The following CNTN3 variants were observed in gnomAD, a reference collection of about 807,000 sequenced individuals.
CNTN3 encodes the protein contactin 3.
Under a neutral mutation model 119.1 loss-of-function variants are expected in CNTN3, and 60 were observed. That is an observed-to-expected ratio of 0.50 (90% CI 0.41 to 0.62). CNTN3 has a LOEUF of 0.62. Ranked by LOEUF, CNTN3 falls within the 20% of genes least tolerant of loss-of-function variation. The probability of loss-of-function intolerance (pLI) is 0.00; values close to 1 mark genes in which losing one functional copy is unlikely to be tolerated. For synonymous variants in CNTN3, 450 were observed against 438.7 expected, an observed-to-expected ratio of 1.03 and a Z score of -0.32; for missense variants, 1,101 against 1,242.4, an observed-to-expected ratio of 0.89 and a Z score of 1.71.
At chr3:74,510,948 T>C (rs1160555715) in intron 2 of CNTN3, among the ~76,000 whole-genome samples, 1 of 152,086 alleles carries the variant, frequency 6.6e-6, no homozygotes, top group Non-Finnish European at 1.5e-5. Context: ...GCTAGTTTGT[T>C]TTTTTCAAGT....
In CNTN3 at chr3:74,263,527, A is replaced by C. The variant is rs944567882; in HGVS notation, c.*874T>G. 1.3e-5 allele frequency: 2 copies of C among 151,872 alleles called. No individual in the cohort carries two copies. The highest frequency in any genetic ancestry group is 1.3e-4 in the Admixed American group (2 of 15,226). 9.4% of individuals were successfully genotyped at this position (151,872 alleles called of 1,614,324 possible). On this transcript the variant is annotated 3_prime_UTR_variant, in exon 23 of 23. Transcript: ENST00000263665. ...ACAATTCCTTTTTTAATTTAAAAAA[A>C]CTTTTTTTTTTTGAGAAAGAATAAA...
chr3:74,332,647 T>C (rs1703293118), intron 13 of CNTN3, among the ~76,000 whole-genome samples: 1 of 152,260 alleles, frequency 6.6e-6, no homozygotes, highest in African/African-American at 2.4e-5. Context: ...ACAGTCAAAC[T>C]ACTTTGGATT....
At chr3:74,609,207 C>G (rs1705040889) in intron 1 of CNTN3, among the ~76,000 whole-genome samples, 2 of 152,180 alleles carry the variant, frequency 1.3e-5, no homozygotes, top group South Asian at 4.1e-4. Flanking sequence ...GGAGAAGTCA[C>G]ATACAGACAG....
At chr3:74,479,937 T>C (rs1418145113) in intron 4 of CNTN3, among the ~76,000 whole-genome samples, 1 of 151,876 alleles carries the variant, frequency 6.6e-6, no homozygotes, top group African/African-American at 2.4e-5. Flanking sequence ...GAAAAATCAA[T>C]AAGTAAAATA....
chr3:74,580,950 C>T (rs963665381), intron 1 of CNTN3, among the ~76,000 whole-genome samples: 1 of 152,148 alleles, frequency 6.6e-6, no homozygotes, highest in African/African-American at 2.4e-5. Context: ...AATTCCCAGT[C>T]TCAAGGAATC....
At chr3:74,491,054 C>G (rs903583388) in intron 3 of CNTN3, among the ~76,000 whole-genome samples, 1 of 152,130 alleles carries the variant, frequency 6.6e-6, no homozygotes, top group African/African-American at 2.4e-5. Flanking sequence ...TGTTTAAACT[C>G]TGAAATGTGC....
intron 5 of CNTN3, among the ~76,000 whole-genome samples, chr3:74,381,143 T>C (rs1332342279): frequency 6.6e-6 from 1 of 151,214 alleles, no homozygotes; most frequent in East Asian, 1.9e-4. Context: ...TTTTGTCCAT[T>C]AGTAGCACAT....
intron 13 of CNTN3, among the ~76,000 whole-genome samples, chr3:74,313,375 A>G (rs961826687): frequency 3.9e-5 from 6 of 152,216 alleles, no homozygotes; most frequent in Non-Finnish European, 8.8e-5. Flanking sequence ...AGAAAGTCAC[A>G]AAAACTAAAA....
intron 4 of CNTN3, among the ~76,000 whole-genome samples, chr3:74,471,466 A>T (rs1702565469): frequency 6.6e-6 from 1 of 152,198 alleles, no homozygotes; most frequent in Admixed American, 6.5e-5. Context: ...AAACAAAAGT[A>T]ACCATTTCCT....
intron 1 of CNTN3, among the ~76,000 whole-genome samples, chr3:74,525,175 C>T (rs1042353084): frequency 6.6e-6 from 1 of 151,764 alleles, no homozygotes; most frequent in African/African-American, 2.4e-5. Context: ...ACCAATGTTA[C>T]TCTCACCCAC....
At chr3:74,494,859 C>T (rs1703031645) in intron 3 of CNTN3, among the ~76,000 whole-genome samples, 2 of 152,088 alleles carry the variant, frequency 1.3e-5, no homozygotes, top group South Asian at 4.1e-4. Flanking sequence ...AATCTGACTT[C>T]ATTTTGATAA....
chr3:74,358,814 T>C (rs1415142003), intron 11 of CNTN3, among the ~76,000 whole-genome samples: 6 of 131,876 alleles, frequency 4.5e-5, no homozygotes, highest in African/African-American at 1.4e-4. Flanking sequence ...TCTGTGTCCA[T>C]GTGATCTCAT....
chr3:74,352,178 C>A (rs115459829), intron 11 of CNTN3, among the ~76,000 whole-genome samples: 1,605 of 152,278 alleles, frequency 0.011, 29 homozygotes, highest in African/African-American at 0.037. Context: ...AGAATAAATA[C>A]CCAGTTTTGC....
chr3:74,390,290 G>C (rs965163997), intron 5 of CNTN3, among the ~76,000 whole-genome samples: 4 of 152,006 alleles, frequency 2.6e-5, no homozygotes, highest in Non-Finnish European at 5.9e-5. Flanking sequence ...TTTGTTCAAG[G>C]GTTTGACTAA....
intron 5 of CNTN3, among the ~76,000 whole-genome samples, chr3:74,414,039 G>C (rs1406078869): frequency 2.6e-5 from 4 of 152,170 alleles, no homozygotes; most frequent in African/African-American, 9.7e-5. Flanking sequence ...AGTGGTAAGA[G>C]AGGTGCTCAA....
Position 74,267,392 on chromosome 3 carries a change from A to G in CNTN3, c.2705-14T>C. The G allele has an allele frequency of 6.4e-7, 1 of 1,566,380 alleles. No individual in the cohort carries two copies. The highest frequency in any genetic ancestry group is 8.8e-7 in the Non-Finnish European group (1 of 1,136,872). ...GCTGACTGGGAGCTTGAAATGCAAA[A>G]TGAGAAATTTTAAAACAGATCGAAG... On this transcript the variant is annotated splice_polypyrimidine_tract_variant and intron_variant, in intron 20 of 22. Coordinates refer to ENST00000263665, the MANE Select transcript of CNTN3 (RefSeq NM_020872.3).
At chr3:74,369,148 G>A (rs1225394261) in intron 8 of CNTN3, 41 bp downstream of exon 8, 27 of 1,451,598 alleles carry the variant, frequency 1.9e-5, no homozygotes, top group Non-Finnish European at 2.4e-5. Flanking sequence ...AGATGAGAAA[G>A]TAAAAGCTAA....
chr3:74,287,452 T>C (rs2106786955), intron 19 of CNTN3, among the ~76,000 whole-genome samples: 1 of 152,306 alleles, frequency 6.6e-6, no homozygotes, highest in African/African-American at 2.4e-5. Flanking sequence ...CATTAAAGAA[T>C]AGGTATTATA....
intron 4 of CNTN3, among the ~76,000 whole-genome samples, chr3:74,437,484 A>G (rs116054602): frequency 6.6e-6 from 1 of 151,960 alleles, no homozygotes; most frequent in South Asian, 2.1e-4. Flanking sequence ...ATAAAAAAAA[A>G]CCCATGTTTC....
Sources: gnomAD v4.1 joint callset for allele counts (sites outside exome capture counted in the v4.1 genomes callset) on GRCh38, gnomAD v4.1.1 for gene constraint, MANE v1.5 for transcripts, NCBI Gene and HGNC (gene_info 2026-07-23, HGNC 2026-07-21) for gene names.